ZNF862: variants seen among roughly 807,000 people sequenced by gnomAD.
The protein encoded by ZNF862 is zinc finger protein 862.
A neutral mutation model predicts 91.1 loss-of-function variants in ZNF862; 64 were observed. The ratio of observed to expected loss-of-function variants is 0.70; its 90% CI spans 0.57 to 0.87. ZNF862 has a LOEUF of 0.87. ZNF862 is among the 40% of genes least tolerant of loss of function. The pLI, the probability that ZNF862 is intolerant of heterozygous loss-of-function variation, is 0.00. For synonymous variants in ZNF862, 631 were observed against 618.1 expected, an observed-to-expected ratio of 1.02 and a Z score of -0.31; for missense variants, 1,459 against 1,528.0, an observed-to-expected ratio of 0.95 and a Z score of 0.75.
In ZNF862 at chr7:149,850,354, G is replaced by C; in HGVS notation, c.1117+16G>C. On this transcript the variant is annotated intron_variant, in intron 5 of 7. Transcript: ENST00000223210. This position sits in a 1 kb window ranked among gnomAD's most constrained non-coding sequence, Gnocchi z 4.2. ...GCATCCTTGGGTAAAGACGCACCGA[G>C]CCTCTTATTCACCACCCTCCTTTGA... 1 of 1,600,456 alleles carries C rather than the reference G, an allele frequency of 6.2e-7. No homozygotes were observed. The highest frequency in any genetic ancestry group is 8.5e-7 in the Non-Finnish European group (1 of 1,172,130).
intron 5 of ZNF862, chr7:149,858,373 T>C (rs1202123549): frequency 1.3e-5 from 2 of 152,246 alleles, no homozygotes; most frequent in Non-Finnish European, 2.9e-5. Context: ...AAGAAGGATA[T>C]ATGTTCAATT....
intron 6 of ZNF862, chr7:149,860,102 T>G: frequency 2.2e-6 from 1 of 456,302 alleles, no homozygotes; most frequent in South Asian, 3.8e-5. Context: ...TATTGGTATC[T>G]GGTGTCACAT....
chr7:149,848,098 G>C lies in ZNF862; in HGVS notation c.605G>C (p.Cys202Ser). The C allele has an allele frequency of 6.2e-7, 1 of 1,614,082 alleles. No homozygotes were observed. Among genetic ancestry groups the C allele is most frequent in the Admixed American group, 1.7e-5 (1 of 60,034 alleles). The change falls in exon 4 of 8, where the codon TGT becomes TCT. Residue 202 changes from cysteine to serine, a missense_variant. Cys to Ser is a moderately radical substitution (Grantham distance 112). Transcript: ENST00000223210. ...GCGAAGAGCAAGGCCCACATGTTCT[G>C]TGTCAATGCCTTGGCAGCGAGGGAC... ...YHAKSKAHMF[C>S]VNALAARDPI...
chr7:149,851,178 A>G (rs902694904), intron 5 of ZNF862, among the ~76,000 whole-genome samples: 3 of 152,086 alleles, frequency 2.0e-5, no homozygotes, highest in African/African-American at 7.2e-5. Flanking sequence ...GTTCACTGCA[A>G]CCTCTGCCTC....
chr7:149,858,006 C>T (rs1802319581), intron 5 of ZNF862, among the ~76,000 whole-genome samples: 1 of 152,146 alleles, frequency 6.6e-6, no homozygotes, highest in Admixed American at 6.5e-5. Flanking sequence ...CCTCTGTTCT[C>T]CTCTGGGGTG....
At chr7:149,849,217 G>A (rs1801980572) in intron 4 of ZNF862, among the ~76,000 whole-genome samples, 1 of 152,206 alleles carries the variant, frequency 6.6e-6, no homozygotes, top group Non-Finnish European at 1.5e-5. Context: ...TAGAGCAGGT[G>A]CTATTAAACT....
rs747486827 is a variant in ZNF862 at position 149,847,755 on chromosome 7, A to G, written c.262A>G (p.Met88Val). 4.3e-6 allele frequency: 7 copies of G among 1,613,070 alleles called. No individual in the cohort carries two copies. In the East Asian group the frequency reaches 1.3e-4, roughly 31 times the overall value. Residue 88 changes from methionine (M) to valine (V), a missense_variant, in exon 4 of 8, where the codon ATG becomes GTG. Coordinates refer to ENST00000223210, the MANE Select transcript of ZNF862 (RefSeq NM_001099220.3). ...HHPGKKQMGY[M>V]GEMEVQGPTR... is the part of the protein sequence containing the mutation. ...TAAAGGAAAAAAACAGATGGGCTAC[A>G]TGGGAGAAATGGAGGTGCAAGGTCC...
intron 2 of ZNF862, 184 bp downstream of exon 2, chr7:149,844,920 C>T: frequency 1.8e-6 from 1 of 556,730 alleles, no homozygotes; most frequent in Non-Finnish European, 3.2e-6. Context: ...ATCACCCTTT[C>T]TCTTCTCCCC....
intron 5 of ZNF862, among the ~76,000 whole-genome samples, chr7:149,857,438 A>G (rs749853179): frequency 7.2e-5 from 11 of 151,824 alleles, no homozygotes; most frequent in Non-Finnish European, 5.9e-5. Flanking sequence ...TTCCTCTTTC[A>G]TGAATGGCTA....
intron 3 of ZNF862, 41 bp downstream of exon 3, chr7:149,846,296 A>AGAGG (rs1801870345): frequency 6.6e-7 from 1 of 1,524,866 alleles, no homozygotes; most frequent in Non-Finnish European, 9.0e-7. Flanking sequence ...GCTTGGCTGG[A>AGAGG]GAGGGAGCAT....
rs10259409 is a variant in ZNF862, at chr7:149,855,366, G to A, written c.1118-4056G>A. On this transcript the variant is annotated intron_variant, in intron 5 of 7. Coordinates refer to ENST00000223210, the MANE Select transcript of ZNF862 (RefSeq NM_001099220.3). This position sits in a 1 kb window ranked among gnomAD's most constrained non-coding sequence, Gnocchi z 4.1. ...GGACTTCATTTAACACTCAATTCTT[G>A]CCTTTCCCTCCTCAACCTGCTGCGG... is the stretch of plus-strand genomic sequence containing the variant. 6.6e-6 allele frequency among the ~76,000 whole-genome samples: 1 copy of A among 152,120 alleles called. No individual in the cohort carries two copies. The highest frequency in any genetic ancestry group is 2.4e-5 in the African/African-American group (1 of 41,380).
intron 2 of ZNF862, among the ~76,000 whole-genome samples, chr7:149,845,763 C>T (rs1801846390): frequency 6.6e-6 from 1 of 152,142 alleles, no homozygotes; most frequent in Admixed American, 6.5e-5. Context: ...GAGTGGCAGC[C>T]CTTCTGCAGC....
intron 6 of ZNF862, 195 bp downstream of exon 6, chr7:149,859,721 G>C (rs554895619): frequency 7.0e-5 from 39 of 554,866 alleles, no homozygotes; most frequent in Non-Finnish European, 1.1e-4. Context: ...CTGGGAAACA[G>C]GGAAAAAACA....
chr7:149,863,902 G>C (rs1427499227), intron 7 of ZNF862, among the ~76,000 whole-genome samples: 1 of 152,226 alleles, frequency 6.6e-6, no homozygotes, highest in Non-Finnish European at 1.5e-5. Flanking sequence ...GCCCCTGGGG[G>C]ACAAAATCGC....
rs757850154 is a variant in ZNF862 at position 149,847,863 on chromosome 7, G to A, written c.370G>A (p.Gly124Arg). The change falls in exon 4 of 8, where the codon GGA becomes AGA. Residue 124 changes from glycine (G) to arginine (R), a missense_variant. Gly to Arg is a moderately radical substitution (Grantham distance 125). Coordinates refer to ENST00000223210, the MANE Select transcript of ZNF862 (RefSeq NM_001099220.3). The part of the protein sequence containing the change: ...HLSTGSGHIE[G>R]DWAGRNRKLL... ...CAGTACAGGCAGTGGACACATCGAG[G>A]GAGACTGGGCCGGAAGAAACAGGAA... 6 of 1,612,874 alleles carry A rather than the reference G, an allele frequency of 3.7e-6. No homozygotes were observed. The highest frequency in any genetic ancestry group is 5.1e-6 in the Non-Finnish European group (6 of 1,179,442).
intron 6 of ZNF862, 77 bp from the exon 7 acceptor site, chr7:149,860,306 T>C: frequency 7.6e-7 from 1 of 1,319,942 alleles, no homozygotes; most frequent in Non-Finnish European, 1.0e-6. Flanking sequence ...ACTTATTAAA[T>C]TTGGGGGTGT....
intron 5 of ZNF862, among the ~76,000 whole-genome samples, chr7:149,857,897 G>T (rs1325148230): frequency 2.0e-5 from 3 of 152,082 alleles, no homozygotes; most frequent in Non-Finnish European, 4.4e-5. Context: ...GACATGACTC[G>T]ATCTCCCTGC....
chr7:149,859,650 G>A (rs1197612026), intron 6 of ZNF862, 124 bp downstream of exon 6: 1 of 744,018 alleles, frequency 1.3e-6, no homozygotes, highest in African/African-American at 1.8e-5. Flanking sequence ...AAGCCTGGCA[G>A]GAGGCCCTGG....
Position 149,848,155 on chromosome 7 carries a change from G to T in ZNF862, c.662G>T (p.Arg221Ile), listed in dbSNP as rs1461542077. The change falls in exon 4 of 8, where the codon AGA becomes ATA. Residue 221 changes from arginine to isoleucine, a missense_variant. Arg to Ile is a moderately conservative substitution (Grantham distance 97, BLOSUM62 -3). Coordinates refer to ENST00000223210, the MANE Select transcript of ZNF862 (RefSeq NM_001099220.3). The stretch of plus-strand genomic sequence containing the variant: ...TGGGCAGCCCGGTTCCGGAGCATCA[G>T]AGACCCACCTGGAGATGTTCTGGCC... ...PIWAARFRSI[R>I]DPPGDVLASP... 1.2e-6 allele frequency: 2 copies of T among 1,613,906 alleles called. No homozygotes were observed. Among genetic ancestry groups the T allele is most frequent in the African/African-American group, 2.7e-5 (2 of 74,926 alleles).
Sources: allele counts gnomAD v4.1 joint callset (sites outside exome capture counted in the v4.1 genomes callset), GRCh38; gene constraint gnomAD v4.1.1; non-coding constraint Gnocchi (gnomAD v3.1); transcripts MANE v1.5; gene names NCBI Gene and HGNC (gene_info 2026-07-23, HGNC 2026-07-21).